Variants in GLS observed in about 807,000 individuals in gnomAD.
The protein encoded by GLS is glutaminase kidney isoform, mitochondrial.
Under a neutral mutation model 86.7 loss-of-function variants are expected in GLS, and 36 were observed. The ratio of observed to expected loss-of-function variants is 0.42; its 90% CI spans 0.32 to 0.55. The LOEUF is 0.55. Ranked by LOEUF, GLS falls within the 20% of genes least tolerant of loss-of-function variation. The pLI, the probability that GLS is intolerant of heterozygous loss-of-function variation, is 0.17. For synonymous variants in GLS, 317 were observed against 305.9 expected (o/e 1.04, Z -0.38); for missense variants, 528 against 833.4 (o/e 0.63, Z 4.51).
chr2:190,881,475 G>A lies in GLS; in HGVS notation c.386+5G>A. The A allele has an allele frequency of 6.5e-7, 1 of 1,537,778 alleles. No homozygotes were observed. The highest frequency in any genetic ancestry group is 8.8e-7 in the Non-Finnish European group (1 of 1,141,180). ...GCTGGTGGCCTCAGGTGAAAAGTGA[G>A]TGTCTCCGCGAGGCGCAGGAGGCCT... is the stretch of plus-strand genomic sequence containing the variant. On this transcript the variant is annotated splice_donor_5th_base_variant and intron_variant, in intron 1 of 17. Transcript: ENST00000320717.
Position 190,913,121 on chromosome 2 carries a change from C to A in GLS, c.1038+2800C>A, listed in dbSNP as rs889627025. 7.9e-7 allele frequency: 1 copy of A among 1,260,854 alleles called. No homozygotes were observed. The highest frequency in any genetic ancestry group is 1.1e-6 in the Non-Finnish European group (1 of 950,500). 78.1% of individuals were successfully genotyped at this position (1,260,854 alleles called of 1,614,324 possible). On this transcript the variant is annotated intron_variant, in intron 7 of 17. Coordinates refer to ENST00000320717, the MANE Select transcript of GLS (RefSeq NM_014905.5). The surrounding 1 kb of genome is among the most constrained non-coding windows in gnomAD (Gnocchi z 6.1). ...TTTCTTCATGTTAATCCCCCCACCC[C>A]AAAATTAAGTAGAGTCTTTAGTAAG... is the stretch of plus-strand genomic sequence containing the variant.
At position 190,935,152 on chromosome 2, in the gene GLS, G is replaced by T. The variant is rs753953282; in HGVS notation, c.1650+3515G>T. 9 of 922,492 alleles carry T rather than the reference G, an allele frequency of 9.8e-6. No homozygotes were observed. Among genetic ancestry groups the T allele is most frequent in the Non-Finnish European group, 1.2e-5 (9 of 772,998 alleles). The allele number at this position is 922,492 out of a possible 1,614,324, so 57.1% of individuals were successfully genotyped here. Reference sequence around the variant, plus strand: ...GAAGTACTTTGTTTTTAGCATAAATGTTGTGCATTTTATCTTAGTGTTTGG... The same window carrying T: ...GAAGTACTTTGTTTTTAGCATAAATTTTGTGCATTTTATCTTAGTGTTTGG... On this transcript the variant is annotated intron_variant, in intron 14 of 17. Coordinates refer to ENST00000320717, the MANE Select transcript of GLS (RefSeq NM_014905.5). The surrounding 1 kb of genome is among the most constrained non-coding windows in gnomAD (Gnocchi z 4.2).
intron 11 of GLS, among the ~76,000 whole-genome samples, chr2:190,925,103 A>G (rs1689857731): frequency 6.6e-6 from 1 of 152,204 alleles, no homozygotes; most frequent in Non-Finnish European, 1.5e-5. Flanking sequence ...TTCTGTAAAC[A>G]TATTTAAGAA....
chr2:190,912,832 C>T (rs577084158), intron 7 of GLS, among the ~76,000 whole-genome samples: 1 of 152,258 alleles, frequency 6.6e-6, no homozygotes, highest in Admixed American at 6.5e-5. Flanking sequence ...TGAACTGGTT[C>T]AAACGATAAC....
Position 190,954,676 on chromosome 2 carries a change from CTCCTA to C in GLS, c.1789+19_1789+23del. The C allele has an allele frequency of 6.2e-7, 1 of 1,606,712 alleles. No homozygotes were observed. Among genetic ancestry groups the C allele is most frequent in the East Asian group, 2.2e-5 (1 of 44,824 alleles). On this transcript the variant is annotated intron_variant, in intron 16 of 17. Coordinates refer to ENST00000320717, the MANE Select transcript of GLS (RefSeq NM_014905.5). The surrounding 1 kb of genome is among the most constrained non-coding windows in gnomAD (Gnocchi z 4.0). ...GCTGCAGAGGGTAATACAGGAACTACTCCTATCTATTTTCTTTCCAGATTTAATTT... is the reference window on the plus strand; with the variant it reads ...GCTGCAGAGGGTAATACAGGAACTACTCTATTTTCTTTCCAGATTTAATTT...
At chr2:190,881,690 C>T (rs917204374) in intron 1 of GLS, 1 of 472,674 alleles carries the variant, frequency 2.1e-6, no homozygotes. Context: ...TTCCCTTCTC[C>T]GCCCCCGGCG....
In GLS at chr2:190,895,904, A is replaced by G. The variant is rs770284191; in HGVS notation, c.605+179A>G. On this transcript the variant is annotated intron_variant, in intron 3 of 17. Transcript: ENST00000320717. This position sits in a 1 kb window ranked among gnomAD's most constrained non-coding sequence, Gnocchi z 4.2. ...TTAGGTTCTATAATACACCGGGCTA[A>G]GAGTATTCTTTCTTTAAATCTGTTC... 4.7e-5 allele frequency: 20 copies of G among 422,022 alleles called. No homozygotes were observed. Among genetic ancestry groups the G allele is most frequent in the Non-Finnish European group, 8.3e-5 (19 of 229,484 alleles). The allele number at this position is 422,022 out of a possible 1,614,324, so 26.1% of individuals were successfully genotyped here.
At chr2:190,937,256 A>G (rs1030795854) in intron 14 of GLS, among the ~76,000 whole-genome samples, 10 of 151,344 alleles carry the variant, frequency 6.6e-5, no homozygotes, top group Admixed American at 6.6e-5. Context: ...CATTGCTTAG[A>G]AATGGAAGGA....
chr2:190,922,390 A>C (rs1010862352), intron 9 of GLS, among the ~76,000 whole-genome samples: 1 of 152,114 alleles, frequency 6.6e-6, no homozygotes, highest in Non-Finnish European at 1.5e-5. Flanking sequence ...TTCAGGTTGC[A>C]TGGCTTCCCA....
At position 190,956,979 on chromosome 2, in the gene GLS, G is replaced by C. The variant is rs544917238; in HGVS notation, c.1853+2161G>C. Among the ~76,000 whole-genome samples, 5 of 152,298 alleles carry C rather than the reference G, an allele frequency of 3.3e-5. No individual in the cohort carries two copies. The East Asian group carries it at 9.6e-4, about 29-fold the overall frequency. On this transcript the variant is annotated intron_variant, in intron 17 of 17. Transcript: ENST00000320717. This position sits in a 1 kb window ranked among gnomAD's most constrained non-coding sequence, Gnocchi z 4.2. ...TGTATCTTGAGACTTTGCTGAAGTT[G>C]CTTATCAGCTTAAGGAGATTTTGGG...
In GLS at chr2:190,924,394, T is replaced by A. The variant is rs1689835749; in HGVS notation, c.1198-149T>A. 1.5e-6 allele frequency: 1 copy of A among 645,230 alleles called. No individual in the cohort carries two copies. Among genetic ancestry groups the A allele is most frequent in the Non-Finnish European group, 2.7e-6 (1 of 363,742 alleles). The allele number at this position is 645,230 out of a possible 1,614,324, so 40.0% of individuals were successfully genotyped here. ...ATGATGTGATAAAATTTTGCTTTTT[T>A]ATTTCATGTTTATACTCTTTTAGAA... On this transcript the variant is annotated intron_variant, in intron 10 of 17. Coordinates refer to ENST00000320717, the MANE Select transcript of GLS (RefSeq NM_014905.5). This position sits in a 1 kb window ranked among gnomAD's most constrained non-coding sequence, Gnocchi z 5.2.
intron 3 of GLS, among the ~76,000 whole-genome samples, chr2:190,899,683 TAAG>T (rs750425779): frequency 6.6e-5 from 10 of 152,110 alleles, no homozygotes; most frequent in Admixed American, 2.0e-4. Context: ...TACAGAGACT[TAAG>T]AAGCTCAGAA....
At chr2:190,948,429 G>T (rs1690633943) in intron 14 of GLS, among the ~76,000 whole-genome samples, 1 of 151,904 alleles carries the variant, frequency 6.6e-6, no homozygotes, top group Admixed American at 6.6e-5. Flanking sequence ...AATAAGAAAT[G>T]GACTTTTAGA....
chr2:190,913,570 AG>A lies in GLS; in HGVS notation c.1038+3251del. On this transcript the variant is annotated intron_variant, in intron 7 of 17. Coordinates refer to ENST00000320717, the MANE Select transcript of GLS (RefSeq NM_014905.5). This position sits in a 1 kb window ranked among gnomAD's most constrained non-coding sequence, Gnocchi z 6.1. Reference sequence around the variant, plus strand: ...AGGAAAGAACAAAAATAAATTTGAAAGGAACAGTTATTTTTATATGATGTAG... The same window carrying A: ...AGGAAAGAACAAAAATAAATTTGAAAGAACAGTTATTTTTATATGATGTAG... The A allele has an allele frequency of 2.1e-6, 2 of 961,112 alleles. No homozygotes were observed. Among genetic ancestry groups the A allele is most frequent in the Non-Finnish European group, 2.5e-6 (2 of 807,828 alleles). 59.5% of individuals were successfully genotyped at this position (961,112 alleles called of 1,614,324 possible).
chr2:190,962,804 C>G lies in GLS; in HGVS notation c.1854-26C>G. On this transcript the variant is annotated intron_variant, in intron 17 of 17. Coordinates refer to ENST00000320717, the MANE Select transcript of GLS (RefSeq NM_014905.5). This position sits in a 1 kb window ranked among gnomAD's most constrained non-coding sequence, Gnocchi z 4.2. ...TTTGTACATAAATTACCTAATGACC[C>G]TGTCCATGCTGTGCTACGTGTTTAG... 8.7e-6 allele frequency: 12 copies of G among 1,377,306 alleles called. No homozygotes were observed. Among genetic ancestry groups the G allele is most frequent in the Non-Finnish European group, 1.1e-5 (12 of 1,050,930 alleles). The allele number at this position is 1,377,306 out of a possible 1,614,324, so 85.3% of individuals were successfully genotyped here. A position where few individuals can be genotyped will look rare whatever the true frequency, so the allele number is the denominator to read the frequency against.
At position 190,941,240 on chromosome 2, in the gene GLS, A is replaced by G. The variant is rs1001161420; in HGVS notation, c.1650+9603A>G. 9.8e-5 allele frequency among the ~76,000 whole-genome samples: 15 copies of G among 152,350 alleles called. No homozygotes were observed. The East Asian group carries it at 2.5e-3, about 25-fold the overall frequency. On this transcript the variant is annotated intron_variant, in intron 14 of 17. Transcript: ENST00000320717. ...AATACTGAAAATAATTAAAATGGTA[A>G]TAAGTGATTTGTTAATACTGATGCA...
intron 14 of GLS, among the ~76,000 whole-genome samples, chr2:190,942,423 T>A (rs1210280049): frequency 6.6e-6 from 1 of 152,134 alleles, no homozygotes; most frequent in African/African-American, 2.4e-5. Context: ...TGATTTGGTT[T>A]TTAAATACTG....
intron 12 of GLS, among the ~76,000 whole-genome samples, chr2:190,929,186 G>T (rs952120384): frequency 4.0e-5 from 6 of 150,974 alleles, no homozygotes; most frequent in Non-Finnish European, 7.4e-5. Context: ...CATTTGTCAA[G>T]TTTTGCTAAT....
rs1418153531 is a variant in GLS, at chr2:190,904,996, T to C, written c.816-8T>C. Reference sequence around the variant, plus strand: ...GATGTTATTTTTTAAAAATCTCCTTTTAAATAGGCATTCTACTGGAGATAC... The same window carrying C: ...GATGTTATTTTTTAAAAATCTCCTTCTAAATAGGCATTCTACTGGAGATAC... On this transcript the variant is annotated splice_polypyrimidine_tract_variant and splice_region_variant and intron_variant, in intron 5 of 17. Coordinates refer to ENST00000320717, the MANE Select transcript of GLS (RefSeq NM_014905.5). The C allele has an allele frequency of 3.3e-6, 5 of 1,526,328 alleles. No individual in the cohort carries two copies. The East Asian group carries it at 1.1e-4, about 34-fold the overall frequency. The allele number at this position is 1,526,328 out of a possible 1,614,324, so 94.5% of individuals were successfully genotyped here. A position where few individuals can be genotyped will look rare whatever the true frequency, so the allele number is the denominator to read the frequency against.
Sources: allele counts gnomAD v4.1 joint callset (sites outside exome capture counted in the v4.1 genomes callset), GRCh38; gene constraint gnomAD v4.1.1; non-coding constraint Gnocchi (gnomAD v3.1); transcripts MANE v1.5; gene names NCBI Gene and HGNC (gene_info 2026-07-23, HGNC 2026-07-21).